GASK1A: variants seen among roughly 807,000 people sequenced by gnomAD.
GASK1A encodes the protein golgi associated kinase 1A, also known as Golgi-associated kinase 1A.
A neutral mutation model predicts 41.2 loss-of-function variants in GASK1A; 40 were observed. The ratio of observed to expected loss-of-function variants is 0.97; its 90% CI spans 0.75 to 1.27. GASK1A has a LOEUF of 1.27. Among genes scored for constraint, GASK1A ranks in the 50% most tolerant of loss-of-function variants. GASK1A has a pLI of 0.00. For synonymous variants in GASK1A, 316 were observed against 307.1 expected (o/e 1.03, Z -0.30); for missense variants, 678 against 745.1 (o/e 0.91, Z 1.05).
At chr3:42,995,532 G>T (rs1015733556) in intron 1 of GASK1A, among the ~76,000 whole-genome samples, 4 of 152,154 alleles carry the variant, frequency 2.6e-5, no homozygotes, top group African/African-American at 9.7e-5. Context: ...GGCCAGATTT[G>T]GCCTGTGGGT....
chr3:43,016,600 C>T (rs569863972), intron 1 of GASK1A, among the ~76,000 whole-genome samples: 1 of 151,434 alleles, frequency 6.6e-6, no homozygotes, highest in Non-Finnish European at 1.5e-5. Flanking sequence ...TGTGAGGTCC[C>T]AGGAAGGGGC....
chr3:43,027,030 C>G (rs1426615885), intron 1 of GASK1A, among the ~76,000 whole-genome samples: 1 of 152,164 alleles, frequency 6.6e-6, no homozygotes, highest in Non-Finnish European at 1.5e-5. Context: ...GGTAAAAAAT[C>G]AGTTCAATCT....
At chr3:43,035,144 T>C (rs978090633) in intron 2 of GASK1A, among the ~76,000 whole-genome samples, 9 of 152,144 alleles carry the variant, frequency 5.9e-5, no homozygotes, top group Non-Finnish European at 1.0e-4. Context: ...CCTGGGCAGA[T>C]TACCTAGCCT....
intron 1 of GASK1A, among the ~76,000 whole-genome samples, chr3:43,020,035 C>CTGG (rs1346641031): frequency 6.6e-5 from 10 of 152,134 alleles, no homozygotes; most frequent in Non-Finnish European, 5.9e-5. Flanking sequence ...TCTTTGCCAG[C>CTGG]TGGTCCCTGT....
At chr3:43,046,196 T>C (rs1464241983) in intron 2 of GASK1A, among the ~76,000 whole-genome samples, 1 of 152,200 alleles carries the variant, frequency 6.6e-6, no homozygotes, top group Non-Finnish European at 1.5e-5. Flanking sequence ...GTGGGAAAGT[T>C]TGGAACTTCC....
chr3:42,996,269 A>G (rs2089369015), intron 1 of GASK1A, among the ~76,000 whole-genome samples: 1 of 152,240 alleles, frequency 6.6e-6, no homozygotes, highest in Non-Finnish European at 1.5e-5. Context: ...AATGACAGCT[A>G]ACATTGACTG....
At chr3:43,013,908 G>A (rs1242927759) in intron 1 of GASK1A, among the ~76,000 whole-genome samples, 1 of 152,062 alleles carries the variant, frequency 6.6e-6, no homozygotes, top group Admixed American at 6.5e-5. Context: ...GTCACAAGAA[G>A]TGGCTGTTGG....
In GASK1A at chr3:43,033,237, A is replaced by G. The variant is rs2089588372; in HGVS notation, c.974A>G (p.Asp325Gly). The G allele has an allele frequency of 6.4e-7, 1 of 1,551,610 alleles. No homozygotes were observed. The highest frequency in any genetic ancestry group is 8.7e-7 in the Non-Finnish European group (1 of 1,146,958). The change falls in exon 2 of 5, where the codon GAC (aspartate) becomes GGC (glycine). Residue 325 changes from aspartate (D) to glycine (G), a missense_variant. Coordinates refer to ENST00000430121, the MANE Select transcript of GASK1A (RefSeq NM_001129908.3). ...TGTGGCCTGATCAAGAGGCCTGGGG[A>G]CCTGCCTGAGGTCCTGTCCTTCCAC... ...GLCGLIKRPG[D>G]LPEVLSFHVD...
At chr3:43,011,879 G>A (rs1301940889) in intron 1 of GASK1A, among the ~76,000 whole-genome samples, 1 of 151,522 alleles carries the variant, frequency 6.6e-6, no homozygotes, top group Non-Finnish European at 1.5e-5. Flanking sequence ...GGAAGGGGCT[G>A]TGTGAAGTCA....
intron 4 of GASK1A, chr3:43,055,821 G>C (rs2089713296): frequency 2.1e-6 from 1 of 480,260 alleles, no homozygotes; most frequent in Non-Finnish European, 3.8e-6. Context: ...GAGAGAGCTA[G>C]GCCAGAGAGT....
chr3:43,036,803 T>C (rs2089606988), intron 2 of GASK1A, among the ~76,000 whole-genome samples: 3 of 152,142 alleles, frequency 2.0e-5, no homozygotes, highest in Non-Finnish European at 4.4e-5. Flanking sequence ...CTGCAAGCGA[T>C]GGTGTCAGCT....
intron 1 of GASK1A, among the ~76,000 whole-genome samples, chr3:43,016,950 AG>A: frequency 6.6e-6 from 1 of 151,526 alleles, no homozygotes; most frequent in East Asian, 2.0e-4. Flanking sequence ...AGTCCCAGAA[AG>A]GGGCTGTGTG....
At chr3:43,027,036 A>G (rs1159426607) in intron 1 of GASK1A, among the ~76,000 whole-genome samples, 1 of 152,240 alleles carries the variant, frequency 6.6e-6, no homozygotes, top group Non-Finnish European at 1.5e-5. Context: ...AAATCAGTTC[A>G]ATCTTAGATT....
At chr3:43,016,793 G>A (rs1377219919) in intron 1 of GASK1A, among the ~76,000 whole-genome samples, 1 of 152,078 alleles carries the variant, frequency 6.6e-6, no homozygotes, top group Non-Finnish European at 1.5e-5. Flanking sequence ...ACAGGAAGGG[G>A]CAGTGGAATG....
In GASK1A at chr3:43,020,450, G is replaced by A. The variant is rs114031034; in HGVS notation, c.4-11817G>A. 5.2e-3 allele frequency among the ~76,000 whole-genome samples: 795 copies of A among 152,246 alleles called. 7 individuals carry two copies. Among genetic ancestry groups the A allele is most frequent in the African/African-American group, 0.018 (749 of 41,552 alleles). On this transcript the variant is annotated intron_variant, in intron 1 of 4. Transcript: ENST00000430121. The stretch of plus-strand genomic sequence containing the variant: ...GGGTTGCACCATCATCCTCATCACA[G>A]CCTAAGCCCCATTTGTAGAGACAGC...
intron 1 of GASK1A, among the ~76,000 whole-genome samples, chr3:43,031,426 TG>T (rs1169177815): frequency 7.9e-5 from 12 of 152,206 alleles, no homozygotes; most frequent in Non-Finnish European, 1.6e-4. Context: ...TCCGGAATTC[TG>T]GTGTGGGGCC....
chr3:43,006,488 T>G (rs2089436445), intron 1 of GASK1A, among the ~76,000 whole-genome samples: 1 of 152,208 alleles, frequency 6.6e-6, no homozygotes, highest in Non-Finnish European at 1.5e-5. Context: ...AAGAAATAAT[T>G]TTCTGTCAGA....
intron 1 of GASK1A, among the ~76,000 whole-genome samples, chr3:43,028,078 A>G (rs1024582900): frequency 1.4e-4 from 21 of 152,242 alleles, no homozygotes; most frequent in African/African-American, 5.1e-4. Context: ...TTATTGTCTA[A>G]AGACTTAGAA....
chr3:43,030,430 C>T (rs529234881), intron 1 of GASK1A, among the ~76,000 whole-genome samples: 6 of 152,330 alleles, frequency 3.9e-5, no homozygotes, highest in East Asian at 1.9e-4. Context: ...GAATGGGTTT[C>T]GTGGATGCTG....
Sources: gnomAD v4.1 joint callset for allele counts (sites outside exome capture counted in the v4.1 genomes callset) on GRCh38, gnomAD v4.1.1 for gene constraint, MANE v1.5 for transcripts, NCBI Gene and HGNC (gene_info 2026-07-23, HGNC 2026-07-21) for gene names.